NCOA6: variants seen among roughly 807,000 people sequenced by gnomAD.
NCOA6 encodes the protein nuclear receptor coactivator 6.
A neutral mutation model predicts 171.4 loss-of-function variants in NCOA6; 49 were observed. That is an observed-to-expected ratio of 0.29 (90% CI 0.23 to 0.36). The LOEUF is 0.36. Ranked by LOEUF, NCOA6 falls within the 10% of genes least tolerant of loss-of-function variation. The pLI, the probability that NCOA6 is intolerant of heterozygous loss-of-function variation, is 1.00. For missense variants in NCOA6, 2,248 were observed against 2,554.5 expected (o/e 0.88, Z 2.59); for synonymous variants, 910 against 927.5 (o/e 0.98, Z 0.34).
At chr20:34,725,848 C>T (rs370077770) in intron 14 of NCOA6, among the ~76,000 whole-genome samples, 1 of 152,194 alleles carries the variant, frequency 6.6e-6, no homozygotes, top group East Asian at 1.9e-4. Flanking sequence ...TCTGAGGTTC[C>T]AGTAAGGATG....
At chr20:34,737,600 T>G (rs2145488338) in intron 11 of NCOA6, among the ~76,000 whole-genome samples, 1 of 152,282 alleles carries the variant, frequency 6.6e-6, no homozygotes, top group Middle Eastern at 3.4e-3. Context: ...ACTTAGGCCC[T>G]TAAGGAATGG....
At chr20:34,754,164 T>C (rs141791567) in intron 8 of NCOA6, among the ~76,000 whole-genome samples, 1 of 152,324 alleles carries the variant, frequency 6.6e-6, no homozygotes, top group Non-Finnish European at 1.5e-5. Context: ...AAGCTTAACA[T>C]GTACCACGTA....
At chr20:34,728,115 A>G (rs1231460886) in intron 13 of NCOA6, among the ~76,000 whole-genome samples, 6 of 152,168 alleles carry the variant, frequency 3.9e-5, no homozygotes, top group Non-Finnish European at 8.8e-5. Flanking sequence ...ATGGTCTTTA[A>G]GATGTCTGAA....
intron 1 of NCOA6, among the ~76,000 whole-genome samples, chr20:34,799,040 T>C (rs529083337): frequency 6.6e-6 from 1 of 152,248 alleles, no homozygotes; most frequent in South Asian, 2.1e-4. Flanking sequence ...ATATGTGACC[T>C]TTCAGACAGA....
At chr20:34,743,508 A>T (rs186945977) in intron 10 of NCOA6, among the ~76,000 whole-genome samples, 167 bp from the exon 11 acceptor site, 51 of 152,320 alleles carry the variant, frequency 3.3e-4, no homozygotes, top group African/African-American at 1.2e-3. Flanking sequence ...ACTTGACATA[A>T]GCAAAAGGGG....
chr20:34,800,956 T>C (rs1280670897), intron 1 of NCOA6, among the ~76,000 whole-genome samples: 5 of 152,208 alleles, frequency 3.3e-5, no homozygotes, highest in African/African-American at 4.8e-5. Context: ...ACAGACCATA[T>C]GTTAGGCTAC....
At chr20:34,783,903 C>T (rs534326518) in intron 2 of NCOA6, among the ~76,000 whole-genome samples, 14 of 152,068 alleles carry the variant, frequency 9.2e-5, no homozygotes, top group Non-Finnish European at 1.9e-4. Context: ...GAATTACAGG[C>T]GTGAGCCACC....
chr20:34,819,948 A>T (rs1412689293), intron 1 of NCOA6: 1 of 152,298 alleles, frequency 6.6e-6, no homozygotes, highest in East Asian at 1.9e-4. Context: ...ACAATTTGAA[A>T]GCAAGCCCCA....
intron 11 of NCOA6, among the ~76,000 whole-genome samples, chr20:34,739,597 C>A (rs1039073323): frequency 6.6e-6 from 1 of 152,156 alleles, no homozygotes; most frequent in Non-Finnish European, 1.5e-5. Flanking sequence ...CAAATCTTCA[C>A]CCTGGTAAAG....
At position 34,740,294 on chromosome 20, in the gene NCOA6, T is replaced by C. The variant is rs1367722906; in HGVS notation, c.5893+69A>G. The C allele has an allele frequency of 7.9e-6, 12 of 1,526,190 alleles. No individual in the cohort carries two copies. In the East Asian group the frequency reaches 2.3e-4, roughly 29 times the overall value. 94.5% of individuals were successfully genotyped at this position (1,526,190 alleles called of 1,614,324 possible). On this transcript the variant is annotated intron_variant, in intron 11 of 14. Coordinates refer to ENST00000359003, the MANE Select transcript of NCOA6 (RefSeq NM_014071.5). ...TTTCCTCCAAGTAAAAAAGGAGTCA[T>C]GCTTTCTCTTGTGGGATTAGGTCAT... is the stretch of plus-strand genomic sequence containing the variant.
rs748284890 is a variant in NCOA6 at position 34,754,812 on chromosome 20, T to C, written c.1585A>G (p.Met529Val). Residue 529 changes from methionine to valine, a missense_variant, in exon 8 of 15, where the codon ATG becomes GTG. Physicochemically the swap from Met to Val is conservative, Grantham distance 21. Around this residue, in one of 7 missense-constraint regions of NCOA6, gnomAD observed 987 missense variants for 1,104.7 expected, o/e 0.89. Transcript: ENST00000359003. Reference protein sequence around the residue: ...FSAGQANPNFMQGQVPSTTAT... With the variant: ...FSAGQANPNFVQGQVPSTTAT... ...GTGGTCGAAGGCACCTGACCTTGCA[T>C]AAAGTTCGGATTGGCCTGTCCTGCT... is the stretch of plus-strand genomic sequence containing the variant. 1 of 1,614,164 alleles carries C rather than the reference T, an allele frequency of 6.2e-7. No homozygotes were observed. The highest frequency in any genetic ancestry group is 1.1e-5 in the South Asian group (1 of 91,086).
chr20:34,823,003 T>C (rs2079052525), intron 1 of NCOA6, among the ~76,000 whole-genome samples: 1 of 152,202 alleles, frequency 6.6e-6, no homozygotes, highest in Admixed American at 6.5e-5. Flanking sequence ...TTTATGCGCA[T>C]CATGTCTTTG....
At chr20:34,729,957 C>A (rs1990411389) in intron 13 of NCOA6, among the ~76,000 whole-genome samples, 1 of 152,164 alleles carries the variant, frequency 6.6e-6, no homozygotes, top group African/African-American at 2.4e-5. Context: ...GGTGGAATTA[C>A]AAGTCAGGGG....
In NCOA6 at chr20:34,810,963, T is replaced by C. The variant is rs554605471; in HGVS notation, c.-164+14509A>G. Among the ~76,000 whole-genome samples, 5 of 151,962 alleles carry C rather than the reference T, an allele frequency of 3.3e-5. No homozygotes were observed. The East Asian group carries it at 5.8e-4, about 18-fold the overall frequency. The stretch of plus-strand genomic sequence containing the variant: ...TATTCAGATAGACTAGCATTATTTT[T>C]GATATGAAAATATAGGGTGATAGAA... On this transcript the variant is annotated intron_variant, in intron 1 of 14. Coordinates refer to ENST00000359003, the MANE Select transcript of NCOA6 (RefSeq NM_014071.5).
At position 34,742,054 on chromosome 20, in the gene NCOA6, G is replaced by A. The variant is rs1159522249; in HGVS notation, c.4202C>T (p.Ser1401Phe). 1 of 1,614,044 alleles carries A rather than the reference G, an allele frequency of 6.2e-7. No homozygotes were observed. The highest frequency in any genetic ancestry group is 8.5e-7 in the Non-Finnish European group (1 of 1,180,054). Residue 1401 changes from serine to phenylalanine, a missense_variant, in exon 11 of 15, where the codon TCT (serine) becomes TTT (phenylalanine). Physicochemically the swap from Ser to Phe is radical, Grantham distance 155. This residue lies in a region of NCOA6 where 884 missense variants were observed against 941.9 expected (regional missense o/e 0.94). Coordinates refer to ENST00000359003, the MANE Select transcript of NCOA6 (RefSeq NM_014071.5). ...PNNSGLNPQNSTVSVAAVGGV... is the reference protein window; with the variant it reads ...PNNSGLNPQNFTVSVAAVGGV... ...CCCAACTGCAGCCACAGACACAGTA[G>A]AATTCTGAGGATTCAGCCCACTGTT... is the stretch of plus-strand genomic sequence containing the variant.
At chr20:34,743,476 G>T in intron 10 of NCOA6, 135 bp from the exon 11 acceptor site, 1 of 852,670 alleles carries the variant, frequency 1.2e-6, no homozygotes, top group Non-Finnish European at 1.8e-6. Flanking sequence ...CCCACTCCTG[G>T]GGCAGGGGGC....
At chr20:34,760,594 C>G (rs1187539352) in intron 5 of NCOA6, among the ~76,000 whole-genome samples, 2 of 152,104 alleles carry the variant, frequency 1.3e-5, no homozygotes, top group African/African-American at 4.8e-5. Flanking sequence ...GAAAACTTTC[C>G]TGTAAAACCA....
At chr20:34,719,291 T>C (rs1988998930) in intron 14 of NCOA6, among the ~76,000 whole-genome samples, 1 of 152,094 alleles carries the variant, frequency 6.6e-6, no homozygotes, top group Non-Finnish European at 1.5e-5. Context: ...TCATTGTGCC[T>C]TTCACTGTAC....
chr20:34,760,102 A>AC (rs2076771639), intron 5 of NCOA6, among the ~76,000 whole-genome samples: 1 of 152,016 alleles, frequency 6.6e-6, no homozygotes, highest in Admixed American at 6.6e-5. Flanking sequence ...ACATAGAAAG[A>AC]CCCCATCTCT....
Sources: gnomAD v4.1 joint callset for allele counts (sites outside exome capture counted in the v4.1 genomes callset) on GRCh38, gnomAD v4.1.1 for gene constraint, gnomAD v4.1.1 regional missense constraint, MANE v1.5 for transcripts, NCBI Gene and HGNC (gene_info 2026-07-23, HGNC 2026-07-21) for gene names.